Variants in ARHGAP30 observed in about 807,000 individuals in gnomAD.
ARHGAP30 encodes Rho GTPase activating protein 30, also known as rho GTPase-activating protein 30.
ARHGAP30 carries 23 observed loss-of-function variants against 72.0 expected under a neutral mutation model. That is an observed-to-expected ratio of 0.32 (90% confidence interval 0.23 to 0.45). The LOEUF (loss-of-function observed/expected upper bound fraction) is 0.45. Ranked by LOEUF, ARHGAP30 falls within the 20% of genes least tolerant of loss-of-function variation. ARHGAP30 has a pLI of 1.00. For missense variants in ARHGAP30, 1,319 were observed against 1,383.4 expected (o/e 0.95, Z 0.74); for synonymous variants, 576 against 528.2 (o/e 1.09, Z -1.24).
Position 161,069,184 on chromosome 1 carries a change from C to T in ARHGAP30, c.97+344G>A, listed in dbSNP as rs776635332. On this transcript the variant is annotated intron_variant, in intron 1 of 11. Transcript: ENST00000368013. This position sits in a 1 kb window ranked among gnomAD's most constrained non-coding sequence, Gnocchi z 4.9. ...TCAGCCACTCCTCTCCTGACCCTGTCGCCTCACCCTCCCTCTCCTGTTCCC... is the reference window on the plus strand; with the variant it reads ...TCAGCCACTCCTCTCCTGACCCTGTTGCCTCACCCTCCCTCTCCTGTTCCC... 2.0e-5 allele frequency among the ~76,000 whole-genome samples: 3 copies of T among 152,002 alleles called. No homozygotes were observed. The highest frequency in any genetic ancestry group is 4.8e-5 in the African/African-American group (2 of 41,348).
intron 1 of ARHGAP30, among the ~76,000 whole-genome samples, chr1:161,061,178 T>G (rs1652284794): frequency 6.6e-6 from 1 of 151,892 alleles, no homozygotes; most frequent in Non-Finnish European, 1.5e-5. Context: ...GTTTGTTTGT[T>G]TTTTTTAGAT....
Position 161,047,773 on chromosome 1 carries a change from T to C in ARHGAP30, c.3248A>G (p.Gln1083Arg). The C allele has an allele frequency of 6.3e-7, 1 of 1,581,460 alleles. No individual in the cohort carries two copies. Among genetic ancestry groups the C allele is most frequent in the African/African-American group, 1.4e-5 (1 of 73,612 alleles). ...TGTTTCAAATGCATATGACCTGCGCTGAGAGGACAACAGGGGGTCAGGAAC... is the reference window on the plus strand; with the variant it reads ...TGTTTCAAATGCATATGACCTGCGCCGAGAGGACAACAGGGGGTCAGGAAC... ...PQVPDPLLSS[Q>R]RRSYAFETQA... Residue 1083 changes from glutamine to arginine, a missense_variant, in exon 12 of 12, where the codon CAG (glutamine) becomes CGG (arginine). Around this residue, in one of 2 missense-constraint regions of ARHGAP30, gnomAD observed 1,097 missense variants for 1,045.2 expected, o/e 1.05. Coordinates refer to ENST00000368013, the MANE Select transcript of ARHGAP30 (RefSeq NM_001025598.2).
intron 9 of ARHGAP30, 61 bp from the exon 10 acceptor site, chr1:161,051,776 T>C: frequency 6.8e-7 from 1 of 1,477,182 alleles, no homozygotes; most frequent in Middle Eastern, 2.1e-4. Context: ...CCTAGACATC[T>C]CAAGAAGGCT....
At position 161,056,529 on chromosome 1, in the gene ARHGAP30, C is replaced by G. The variant is rs139098287; in HGVS notation, c.204G>C (p.Gln68His). The G allele has an allele frequency of 1.5e-5, 24 of 1,612,988 alleles. No homozygotes were observed. Among genetic ancestry groups the G allele is most frequent in the Non-Finnish European group, 2.0e-5 (24 of 1,179,864 alleles). ...GVSSNIQKLR[Q>H]EFESERKPDL... Reference sequence around the variant, plus strand: ...CTGGCTTCCGCTCTGACTCAAATTCCTGCCTGGGGAGGCGCGGTGTGGTCA... The same window carrying G: ...CTGGCTTCCGCTCTGACTCAAATTCGTGCCTGGGGAGGCGCGGTGTGGTCA... Residue 68 changes from glutamine (Q) to histidine (H), a missense_variant, in exon 3 of 12, where the codon CAG (glutamine) becomes CAC (histidine). Physicochemically the swap from Gln to His is conservative, Grantham distance 24. Transcript: ENST00000368013.
At chr1:161,068,990 G>A (rs770343834) in intron 1 of ARHGAP30, among the ~76,000 whole-genome samples, 1 of 152,046 alleles carries the variant, frequency 6.6e-6, no homozygotes, top group Admixed American at 6.6e-5. Context: ...TTTCCAGCCC[G>A]ACATCATCCC....
Position 161,049,509 on chromosome 1 carries a change from G to A in ARHGAP30, c.1601C>T (p.Ala534Val), listed in dbSNP as rs745700997. The A allele has an allele frequency of 6.2e-7, 1 of 1,614,100 alleles. No individual in the cohort carries two copies. Among genetic ancestry groups the A allele is most frequent in the East Asian group, 2.2e-5 (1 of 44,876 alleles). Residue 534 changes from alanine to valine, a missense_variant, in exon 11 of 12, where the codon GCA (alanine) becomes GTA (valine). Ala to Val is a moderately conservative substitution (Grantham distance 64). This residue lies in a region of ARHGAP30 where 1,097 missense variants were observed against 1,045.2 expected (regional missense o/e 1.05). Coordinates refer to ENST00000368013, the MANE Select transcript of ARHGAP30 (RefSeq NM_001025598.2). Reference protein sequence around the residue: ...VGAEDGEVAQAEAAGAAFSPG... With the variant: ...VGAEDGEVAQVEAAGAAFSPG... ...GGAGAAGGCTGCTCCTGCTGCTTCT[G>A]CCTGGGCCACCTCCCCATCCTCTGC... is the stretch of plus-strand genomic sequence containing the variant.
chr1:161,064,792 AAAG>A (rs1652588277), intron 1 of ARHGAP30, among the ~76,000 whole-genome samples: 3 of 68,174 alleles, frequency 4.4e-5, no homozygotes, highest in Admixed American at 1.4e-4. Flanking sequence ...AGAAAGAAAG[AAAG>A]AAAGAAAGAA....
Position 161,052,523 on chromosome 1 carries a change from A to G in ARHGAP30, c.857T>C (p.Val286Ala). ...ATTGAAGATAGACCTCCACTTCCTG[A>G]CCTTCAAAGACCCCTTCCTCCTACA... ...AEHKRKGSLKVRKWRSIFNLG... is the reference protein window; with the variant it reads ...AEHKRKGSLKARKWRSIFNLG... The change falls in exon 8 of 12, where the codon GTC becomes GCC. Residue 286 changes from valine (V) to alanine (A), a missense_variant. Physicochemically the swap from Val to Ala is moderately conservative, Grantham distance 64. This residue lies in a region of ARHGAP30 where 1,097 missense variants were observed against 1,045.2 expected (regional missense o/e 1.05). Coordinates refer to ENST00000368013, the MANE Select transcript of ARHGAP30 (RefSeq NM_001025598.2). The G allele has an allele frequency of 6.2e-7, 1 of 1,613,804 alleles. No homozygotes were observed. The highest frequency in any genetic ancestry group is 8.5e-7 in the Non-Finnish European group (1 of 1,180,004).
Position 161,051,683 on chromosome 1 carries a change from G to T in ARHGAP30, c.1051C>A (p.Arg351=), listed in dbSNP as rs769508729. The T allele has an allele frequency of 1.2e-5, 19 of 1,611,352 alleles. No individual in the cohort carries two copies. The South Asian group carries it at 1.5e-4, about 13-fold the overall frequency. ...CTCTCAGGCAGCAATGGGCTTGGCC[G>T]GGGGCTGCTGGGCCCCACCAGCCCC... ...PEGLVGPSSP[R]PSPLLPESLE... is the part of the protein sequence containing the mutation. Residue 351 remains arginine, a synonymous_variant, in exon 10 of 12, where the codon CGG becomes AGG. Coordinates refer to ENST00000368013, the MANE Select transcript of ARHGAP30 (RefSeq NM_001025598.2).
At chr1:161,059,194 A>G (rs1233805504) in intron 2 of ARHGAP30, among the ~76,000 whole-genome samples, 2 of 151,500 alleles carry the variant, frequency 1.3e-5, no homozygotes, top group African/African-American at 4.8e-5. Flanking sequence ...ACACCCAGCT[A>G]ATTTTTGTAT....
chr1:161,061,362 C>T (rs1229911314), intron 1 of ARHGAP30, among the ~76,000 whole-genome samples: 1 of 151,984 alleles, frequency 6.6e-6, no homozygotes, highest in East Asian at 1.9e-4. Context: ...GACCGGGTTT[C>T]ACCATGTTGG....
chr1:161,064,103 T>C (rs185109157), intron 1 of ARHGAP30, among the ~76,000 whole-genome samples: 10 of 152,338 alleles, frequency 6.6e-5, no homozygotes, highest in Non-Finnish European at 1.3e-4. Flanking sequence ...CTGTCACCCA[T>C]ACCTATTTGT....
intron 9 of ARHGAP30, among the ~76,000 whole-genome samples, 161 bp from the exon 10 acceptor site, chr1:161,051,876 T>C (rs1202535737): frequency 1.3e-5 from 2 of 152,020 alleles, no homozygotes; most frequent in Non-Finnish European, 2.9e-5. Flanking sequence ...TACTGCAAAC[T>C]TTTCACCCAG....
At chr1:161,067,678 G>A (rs1447448100) in intron 1 of ARHGAP30, among the ~76,000 whole-genome samples, 1 of 152,160 alleles carries the variant, frequency 6.6e-6, no homozygotes, top group South Asian at 2.1e-4. Context: ...CCATGTGGGG[G>A]CAAAGAGCTG....
intron 1 of ARHGAP30, chr1:161,060,052 G>T: frequency 3.1e-6 from 1 of 322,786 alleles, no homozygotes; most frequent in Non-Finnish European, 6.2e-6. Flanking sequence ...AGGCCAAGGC[G>T]GGTGAGTTGC....
At chr1:161,055,860 TAAA>T (rs755131835) in intron 3 of ARHGAP30, among the ~76,000 whole-genome samples, 69,530 of 110,748 alleles carry the variant, frequency 0.63, 20,003 homozygotes, top group Non-Finnish European at 0.68. Flanking sequence ...ATAAAATAAA[TAAA>T]ATAAAATAAA....
chr1:161,054,674 C>A lies in ARHGAP30; in HGVS notation c.377G>T (p.Arg126Leu), dbSNP rs1440409537. 1 of 1,613,994 alleles carries A rather than the reference C, an allele frequency of 6.2e-7. No homozygotes were observed. The highest frequency in any genetic ancestry group is 8.5e-7 in the Non-Finnish European group (1 of 1,180,022). ...EAVGVQLEPE[R>L]LVKILEVLRE... ...AAGCACCTCTAGGATCTTGACCAAG[C>A]GCTCAGGTTCCAATTGCACTCCTAC... The change falls in exon 4 of 12, where the codon CGC (arginine) becomes CTC (leucine). Residue 126 changes from arginine to leucine, a missense_variant. Around this residue, in one of 2 missense-constraint regions of ARHGAP30, gnomAD observed 222 missense variants for 338.2 expected, o/e 0.66. Coordinates refer to ENST00000368013, the MANE Select transcript of ARHGAP30 (RefSeq NM_001025598.2).
intron 1 of ARHGAP30, among the ~76,000 whole-genome samples, chr1:161,066,517 G>T (rs1459728175): frequency 1.3e-5 from 2 of 151,402 alleles, no homozygotes; most frequent in African/African-American, 2.4e-5. Context: ...GCGTGGTGGT[G>T]CCTGTAGTCC....
intron 1 of ARHGAP30, among the ~76,000 whole-genome samples, chr1:161,064,181 G>A (rs193249954): frequency 0.014 from 2,140 of 152,162 alleles, 33 homozygotes; most frequent in African/African-American, 0.037. Flanking sequence ...GGGGCATCAC[G>A]GATCCTACCA....
Sources: allele counts gnomAD v4.1 joint callset (sites outside exome capture counted in the v4.1 genomes callset), GRCh38; gene constraint gnomAD v4.1.1; regional missense constraint gnomAD v4.1.1; non-coding constraint Gnocchi (gnomAD v3.1); transcripts MANE v1.5; gene names NCBI Gene and HGNC (gene_info 2026-07-23, HGNC 2026-07-21).